The following CLEC17A variants were observed in gnomAD, a reference collection of about 807,000 sequenced individuals.
CLEC17A encodes the protein C-type lectin domain family 17, member A.
A neutral mutation model predicts 61.3 loss-of-function variants in CLEC17A; 37 were observed. The observed-to-expected ratio is 0.60, with a 90% CI of 0.46 to 0.79. The LOEUF is 0.79. CLEC17A is among the 30% of genes least tolerant of loss of function. CLEC17A has a pLI of 0.00. For missense variants in CLEC17A, 418 were observed against 464.7 expected (o/e 0.90, Z 0.92); for synonymous variants, 168 against 164.9 (o/e 1.02, Z -0.14).
At chr19:14,582,763 G>A (rs2074197527), upstream of CLEC17A, among the ~76,000 whole-genome samples, 1 of 151,914 alleles carries the variant, frequency 6.6e-6, no homozygotes, top group South Asian at 2.1e-4. Context: ...GCCTGCCACT[G>A]CGCCTGGCTA....
intron 10 of CLEC17A, among the ~76,000 whole-genome samples, chr19:14,598,457 C>T (rs1957300272): frequency 6.9e-6 from 1 of 144,734 alleles, no homozygotes; most frequent in Admixed American, 7.3e-5. Context: ...TCTTTCCTTC[C>T]TTCTTACTTT....
chr19:14,603,499 G>A (rs1447359817), intron 12 of CLEC17A, among the ~76,000 whole-genome samples: 2 of 151,930 alleles, frequency 1.3e-5, no homozygotes, highest in African/African-American at 2.4e-5. Flanking sequence ...TTGCTCTGTT[G>A]CCCAGGCTGG....
At chr19:14,582,133 A>T (rs1207130987), upstream of CLEC17A, among the ~76,000 whole-genome samples, 3 of 152,034 alleles carry the variant, frequency 2.0e-5, no homozygotes, top group East Asian at 5.8e-4. Flanking sequence ...CTTCAAAGCC[A>T]GCATAACTTT....
At chr19:14,595,474 T>C (rs1455729262) in intron 8 of CLEC17A, among the ~76,000 whole-genome samples, 159 bp downstream of exon 8, 1 of 152,254 alleles carries the variant, frequency 6.6e-6, no homozygotes, top group African/African-American at 2.4e-5. Flanking sequence ...AGCGCTGCTC[T>C]AAGTGAGAAA....
chr19:14,606,917 G>T (rs1007518478), intron 12 of CLEC17A, 76 bp from the exon 13 acceptor site: 1 of 659,668 alleles, frequency 1.5e-6, no homozygotes, highest in African/African-American at 1.9e-5. Context: ...AAATATGTAG[G>T]ACAGGGCACA....
At chr19:14,583,864 T>A (rs2074223746) in intron 2 of CLEC17A, among the ~76,000 whole-genome samples, 2 of 151,830 alleles carry the variant, frequency 1.3e-5, no homozygotes, top group Non-Finnish European at 2.9e-5. Flanking sequence ...AAAGCCCAGG[T>A]TTTATTTAGA....
intron 3 of CLEC17A, among the ~76,000 whole-genome samples, chr19:14,589,140 C>A (rs975615593): frequency 6.6e-6 from 1 of 150,904 alleles, no homozygotes; most frequent in South Asian, 2.1e-4. Context: ...CTTCCCCCTT[C>A]CCAAACCTGG....
At chr19:14,599,497 C>A (rs958668843) in intron 10 of CLEC17A, among the ~76,000 whole-genome samples, 2 of 152,172 alleles carry the variant, frequency 1.3e-5, no homozygotes, top group Non-Finnish European at 2.9e-5. Flanking sequence ...TGCCCACCAC[C>A]CCTACTTTTC....
intron 4 of CLEC17A, among the ~76,000 whole-genome samples, chr19:14,592,871 G>A (rs1188879031): frequency 6.6e-6 from 1 of 152,014 alleles, no homozygotes; most frequent in Admixed American, 6.6e-5. Flanking sequence ...TCACCATATT[G>A]GCCAGGATGG....
chr19:14,605,330 A>G (rs561781626), intron 12 of CLEC17A, among the ~76,000 whole-genome samples: 2 of 149,574 alleles, frequency 1.3e-5, no homozygotes, highest in African/African-American at 4.9e-5. Flanking sequence ...TCCTGACCTC[A>G]GGTGATCCAC....
upstream of CLEC17A, among the ~76,000 whole-genome samples, chr19:14,582,102 G>T (rs548147429): frequency 6.6e-6 from 1 of 152,138 alleles, no homozygotes. Context: ...GCATTCTTTA[G>T]CATATGGCTC....
chr19:14,581,678 G>A (rs542007139), upstream of CLEC17A, among the ~76,000 whole-genome samples: 2 of 150,674 alleles, frequency 1.3e-5, no homozygotes, highest in East Asian at 3.9e-4. Context: ...TTGAGATGGA[G>A]TTTCACTCTT....
At chr19:14,597,818 C>T (rs150145100) in intron 10 of CLEC17A, among the ~76,000 whole-genome samples, 7 of 152,220 alleles carry the variant, frequency 4.6e-5, no homozygotes, top group South Asian at 4.2e-4. Context: ...TGACTAAGCT[C>T]GTTTCAAACT....
intron 12 of CLEC17A, among the ~76,000 whole-genome samples, chr19:14,606,723 G>A (rs2074884469): frequency 6.6e-6 from 1 of 151,774 alleles, no homozygotes; most frequent in South Asian, 2.1e-4. Flanking sequence ...ACTACCAGGA[G>A]GTAGCTACTG....
intron 2 of CLEC17A, among the ~76,000 whole-genome samples, chr19:14,586,985 T>A (rs2074298106): frequency 6.6e-6 from 1 of 150,670 alleles, no homozygotes; most frequent in Non-Finnish European, 1.5e-5. Flanking sequence ...ACCTCCTGAG[T>A]TCAAGTGATT....
intron 8 of CLEC17A, among the ~76,000 whole-genome samples, chr19:14,596,334 A>T (rs2074552138): frequency 6.6e-6 from 1 of 152,092 alleles, no homozygotes; most frequent in Non-Finnish European, 1.5e-5. Flanking sequence ...CTCCAATAAG[A>T]TAGGAAGGAT....
At chr19:14,582,139 A>G (rs568007348), upstream of CLEC17A, among the ~76,000 whole-genome samples, 22 of 151,880 alleles carry the variant, frequency 1.4e-4, no homozygotes, top group East Asian at 4.3e-3. Context: ...AGCCAGCATA[A>G]CTTTAGTGAC....
In CLEC17A at chr19:14,600,243, T is replaced by C. The variant is rs80157341; in HGVS notation, c.894+61T>C. 1.2e-3 allele frequency: 1,820 copies of C among 1,581,952 alleles called. 19 individuals are homozygous for C. In the African/African-American group the frequency reaches 0.021, roughly 18 times the overall value. Reference sequence around the variant, plus strand: ...GGGACAGCCTGCTTCTCTTCCAGGATGCACACATCCCTCCCTTCCCTGGAT... The same window carrying C: ...GGGACAGCCTGCTTCTCTTCCAGGACGCACACATCCCTCCCTTCCCTGGAT... On this transcript the variant is annotated intron_variant, in intron 12 of 13. Transcript: ENST00000417570.
chr19:14,607,726 G>A lies in CLEC17A; in HGVS notation c.1004+624G>A, dbSNP rs571208750. Among the ~76,000 whole-genome samples the A allele has an allele frequency of 2.1e-3, 317 of 151,524 alleles. 2 individuals carry two copies. Among genetic ancestry groups the A allele is most frequent in the African/African-American group, 7.0e-3 (287 of 41,270 alleles). ...CAAGTAGCTGGGATTACAGACACCC[G>A]CCGTCGTGCCTGGCTAATTTTTGTA... is the stretch of plus-strand genomic sequence containing the variant. On this transcript the variant is annotated intron_variant, in intron 13 of 13. Coordinates refer to ENST00000417570, the MANE Select transcript of CLEC17A (RefSeq NM_001204118.2).
Sources: allele counts gnomAD v4.1 joint callset (sites outside exome capture counted in the v4.1 genomes callset), GRCh38; gene constraint gnomAD v4.1.1; transcripts MANE v1.5; gene names NCBI Gene and HGNC (gene_info 2026-07-23, HGNC 2026-07-21).